The following KCNK13 variants were observed in gnomAD, a reference collection of about 807,000 sequenced individuals.
The protein encoded by KCNK13 is potassium two pore domain channel subfamily K member 13.
A neutral mutation model predicts 23.4 loss-of-function variants in KCNK13; 12 were observed. The observed-to-expected ratio is 0.51, with a 90% CI of 0.33 to 0.83. The LOEUF is 0.83. Ranked by LOEUF, KCNK13 falls within the 40% of genes least tolerant of loss-of-function variation. The probability of loss-of-function intolerance (pLI) is 0.02; values close to 1 mark genes in which losing one functional copy is unlikely to be tolerated. For missense variants in KCNK13, 463 were observed against 556.3 expected, an observed-to-expected ratio of 0.83 and a Z score of 1.69; for synonymous variants, 231 against 229.5, an observed-to-expected ratio of 1.01 and a Z score of -0.06.
chr14:90,160,930 T>A lies in KCNK13; in HGVS notation c.335-23181T>A, dbSNP rs1415004670. Among the ~76,000 whole-genome samples, 3 of 151,852 alleles carry A rather than the reference T, an allele frequency of 2.0e-5. No individual in the cohort carries two copies. The East Asian group carries it at 5.8e-4, about 29-fold the overall frequency. ...ACTAATAATCAGTTGTGAAAAAATA[T>A]TAAATATTCTTTTTTAATATGTACC... On this transcript the variant is annotated intron_variant, in intron 1 of 1. Transcript: ENST00000282146.
chr14:90,149,741 A>C lies in KCNK13; in HGVS notation c.335-34370A>C, dbSNP rs1055971987. ...CATGGTGAGTTGTGAAGAAGGTTTA[A>C]ACCAAGGTGCTAGGGTCATGGTGAT... On this transcript the variant is annotated intron_variant, in intron 1 of 1. Coordinates refer to ENST00000282146, the MANE Select transcript of KCNK13 (RefSeq NM_022054.4). Among the ~76,000 whole-genome samples the C allele has an allele frequency of 5.3e-5, 8 of 152,224 alleles. No individual in the cohort carries two copies. The South Asian group carries it at 1.7e-3, about 32-fold the overall frequency.
At chr14:90,170,236 CAG>C (rs1239600931) in intron 1 of KCNK13, among the ~76,000 whole-genome samples, 1 of 151,904 alleles carries the variant, frequency 6.6e-6, no homozygotes, top group Non-Finnish European at 1.5e-5. Flanking sequence ...TATTTTGAGA[CAG>C]AGTCTCACTC....
chr14:90,135,342 G>A (rs151187236), intron 1 of KCNK13, among the ~76,000 whole-genome samples: 61 of 152,318 alleles, frequency 4.0e-4, no homozygotes, highest in African/African-American at 1.3e-3. Context: ...GACATGGCAT[G>A]AGGTCAACAT....
chr14:90,134,065 T>G (rs1367456481), intron 1 of KCNK13, among the ~76,000 whole-genome samples: 1 of 152,134 alleles, frequency 6.6e-6, no homozygotes, highest in African/African-American at 2.4e-5. Context: ...AAGCATCCTT[T>G]GGCACTAGAA....
chr14:90,071,897 C>CAA (rs778743886), intron 1 of KCNK13, among the ~76,000 whole-genome samples: 1 of 131,974 alleles, frequency 7.6e-6, no homozygotes, highest in Non-Finnish European at 1.6e-5. Flanking sequence ...GACTCCATCT[C>CAA]AAAAAAAAAA....
chr14:90,095,626 T>G (rs1042441662), intron 1 of KCNK13, among the ~76,000 whole-genome samples: 1 of 151,244 alleles, frequency 6.6e-6, no homozygotes, highest in African/African-American at 2.4e-5. Flanking sequence ...ACTTAAGCTG[T>G]TTTTTTTTCT....
At chr14:90,114,366 G>A (rs1276796401) in intron 1 of KCNK13, among the ~76,000 whole-genome samples, 1 of 152,148 alleles carries the variant, frequency 6.6e-6, no homozygotes, top group Non-Finnish European at 1.5e-5. Context: ...AATCACCTGA[G>A]GAGCTTTAAC....
intron 1 of KCNK13, among the ~76,000 whole-genome samples, chr14:90,132,721 G>C (rs922743922): frequency 6.6e-6 from 1 of 152,134 alleles, no homozygotes; most frequent in African/African-American, 2.4e-5. Context: ...CCACTGAACT[G>C]TGCACCTAAA....
chr14:90,103,572 T>G (rs144516613), intron 1 of KCNK13, among the ~76,000 whole-genome samples: 29 of 152,152 alleles, frequency 1.9e-4, no homozygotes, highest in Middle Eastern at 3.4e-3. Flanking sequence ...ACAGACAGGT[T>G]TTCTTTTCTT....
At chr14:90,150,637 C>A (rs769941766) in intron 1 of KCNK13, among the ~76,000 whole-genome samples, 1 of 152,152 alleles carries the variant, frequency 6.6e-6, no homozygotes, top group Admixed American at 6.5e-5. Flanking sequence ...TACATGCTAA[C>A]AGGAACTTCT....
chr14:90,165,360 A>G (rs1252762661), intron 1 of KCNK13, among the ~76,000 whole-genome samples: 2 of 152,124 alleles, frequency 1.3e-5, no homozygotes, highest in Admixed American at 6.6e-5. Flanking sequence ...TGCTTTTTAC[A>G]CCAACGGCCA....
intron 1 of KCNK13, among the ~76,000 whole-genome samples, chr14:90,162,385 AAG>A (rs1890261551): frequency 6.6e-6 from 1 of 152,202 alleles, no homozygotes; most frequent in African/African-American, 2.4e-5. Context: ...ATGAGAACTA[AAG>A]ACACACTAGC....
chr14:90,146,806 T>C, intron 1 of KCNK13, among the ~76,000 whole-genome samples: 1 of 152,278 alleles, frequency 6.6e-6, no homozygotes, highest in East Asian at 1.9e-4. Flanking sequence ...AAATATACCA[T>C]TTTTTATTTT....
rs1454247677 is a variant in KCNK13, at chr14:90,184,865, G to A, written c.1089G>A (p.Leu363=). Residue 363 remains leucine, a synonymous_variant, in exon 2 of 2, where the codon CTG becomes CTA. Coordinates refer to ENST00000282146, the MANE Select transcript of KCNK13 (RefSeq NM_022054.4). This position sits in a 1 kb window ranked among gnomAD's most constrained non-coding sequence, Gnocchi z 5.6. The stretch of plus-strand genomic sequence containing the variant: ...CCAACAAGGCCTCGTTGGCCATCCT[G>A]CAGAAGCAACTGTCTGAGATGGCCA... ...LAANKASLAI[L]QKQLSEMANG... 1.9e-6 allele frequency: 3 copies of A among 1,613,722 alleles called. No individual in the cohort carries two copies. The highest frequency in any genetic ancestry group is 2.7e-5 in the African/African-American group (2 of 74,920).
chr14:90,181,014 G>A (rs1013717867), intron 1 of KCNK13, among the ~76,000 whole-genome samples: 2 of 152,110 alleles, frequency 1.3e-5, no homozygotes, highest in Non-Finnish European at 2.9e-5. Context: ...ATGCCACCAC[G>A]CCCAGCTAAT....
intron 1 of KCNK13, among the ~76,000 whole-genome samples, chr14:90,122,952 C>A (rs769395591): frequency 2.0e-5 from 3 of 152,150 alleles, no homozygotes; most frequent in Non-Finnish European, 4.4e-5. Flanking sequence ...CATGGAGTGG[C>A]ATTTTTCAGA....
At chr14:90,148,099 G>T (rs984890494) in intron 1 of KCNK13, among the ~76,000 whole-genome samples, 1 of 152,164 alleles carries the variant, frequency 6.6e-6, no homozygotes, top group Non-Finnish European at 1.5e-5. Context: ...GGAGGTGCAG[G>T]TTGCAATAAG....
intron 1 of KCNK13, among the ~76,000 whole-genome samples, chr14:90,074,786 A>T (rs555308155): frequency 6.6e-6 from 1 of 152,176 alleles, no homozygotes; most frequent in East Asian, 1.9e-4. Context: ...ATTTCATTGT[A>T]TGTTTATGGG....
chr14:90,091,289 A>T (rs1192214197), intron 1 of KCNK13, among the ~76,000 whole-genome samples: 1 of 152,204 alleles, frequency 6.6e-6, no homozygotes, highest in Non-Finnish European at 1.5e-5. Context: ...TGGGTGTCCC[A>T]ATCAGTAGGC....
Sources: allele counts gnomAD v4.1 joint callset (sites outside exome capture counted in the v4.1 genomes callset), GRCh38; gene constraint gnomAD v4.1.1; non-coding constraint Gnocchi (gnomAD v3.1); transcripts MANE v1.5; gene names NCBI Gene and HGNC (gene_info 2026-07-23, HGNC 2026-07-21).